Variants in NEXN observed in about 807,000 individuals in gnomAD.
NEXN encodes the protein nexilin F-actin binding protein.
A neutral mutation model predicts 92.6 loss-of-function variants in NEXN; 65 were observed. That is an observed-to-expected ratio of 0.70 (90% CI 0.57 to 0.86). The LOEUF (loss-of-function observed/expected upper bound fraction) is 0.86. Ranked by LOEUF, NEXN falls within the 40% of genes least tolerant of loss-of-function variation. The pLI, the probability that NEXN is intolerant of heterozygous loss-of-function variation, is 0.00. For synonymous variants in NEXN, 254 were observed against 242.5 expected, an observed-to-expected ratio of 1.05 and a Z score of -0.44; for missense variants, 778 against 771.1, an observed-to-expected ratio of 1.01 and a Z score of -0.11.
At chr1:77,927,847 C>T (rs1451508705) in intron 8 of NEXN, among the ~76,000 whole-genome samples, 1 of 150,896 alleles carries the variant, frequency 6.6e-6, no homozygotes, top group Non-Finnish European at 1.5e-5. Flanking sequence ...TTTTTCAATG[C>T]CTATTTCTTA....
chr1:77,926,689 A>C (rs768262172), intron 7 of NEXN, 27 bp from the exon 8 acceptor site: 1 of 1,613,854 alleles, frequency 6.2e-7, no homozygotes, highest in East Asian at 2.2e-5. Flanking sequence ...TATGACTAAA[A>C]GGTGGGTTTT....
At chr1:77,916,466 G>T (rs1272653669) in intron 2 of NEXN, among the ~76,000 whole-genome samples, 1 of 152,076 alleles carries the variant, frequency 6.6e-6, no homozygotes, top group Non-Finnish European at 1.5e-5. Context: ...AACAAAGTTT[G>T]ACCTATACTC....
intron 6 of NEXN, 71 bp downstream of exon 6, chr1:77,925,300 A>G: frequency 1.9e-6 from 2 of 1,044,798 alleles, no homozygotes; most frequent in Non-Finnish European, 2.9e-6. Context: ...TTTTAGTATA[A>G]GAAAAAACTA....
In NEXN at chr1:77,942,184, G is replaced by A. The variant is rs1651391063; in HGVS notation, c.1635G>A (p.Arg545=). The change falls in exon 12 of 13, where the codon AGG becomes AGA. Residue 545 remains arginine (R), a synonymous_variant. Transcript: ENST00000334785. ...TACTACGCATGCAGTTTGAACAAAG[G>A]GAAATTGATGCAGCACTACAAAAGG... ...QKLLRMQFEQ[R]EIDAALQKKR... 2 of 1,613,670 alleles carry A rather than the reference G, an allele frequency of 1.2e-6. No homozygotes were observed. The highest frequency in any genetic ancestry group is 2.7e-5 in the African/African-American group (2 of 74,980).
chr1:77,920,527 A>T (rs1189083314), intron 5 of NEXN, among the ~76,000 whole-genome samples: 1 of 150,628 alleles, frequency 6.6e-6, no homozygotes, highest in Non-Finnish European at 1.5e-5. Flanking sequence ...AGGCTGAGGC[A>T]GGAGGACTGC....
At chr1:77,894,206 C>T (rs1251004740) in intron 1 of NEXN, among the ~76,000 whole-genome samples, 1 of 151,980 alleles carries the variant, frequency 6.6e-6, no homozygotes, top group Non-Finnish European at 1.5e-5. Context: ...ATCCACCTGC[C>T]TCGGCCTCCC....
intron 1 of NEXN, among the ~76,000 whole-genome samples, chr1:77,896,194 A>AAATAAATAAATAAAT (rs1477364321): frequency 6.6e-6 from 1 of 151,794 alleles, no homozygotes; most frequent in Non-Finnish European, 1.5e-5. Flanking sequence ...ATAAATAAAT[A>AAATAAATAAATAAAT]AATAAGTTGT....
intron 11 of NEXN, among the ~76,000 whole-genome samples, chr1:77,940,449 T>C (rs1425139339): frequency 6.6e-6 from 1 of 152,184 alleles, no homozygotes; most frequent in Admixed American, 6.5e-5. Context: ...AAGTTGACAA[T>C]TGTACTTGAC....
intron 1 of NEXN, among the ~76,000 whole-genome samples, chr1:77,904,565 T>C (rs1355365397): frequency 6.6e-6 from 1 of 152,188 alleles, no homozygotes; most frequent in Non-Finnish European, 1.5e-5. Flanking sequence ...TTGGGGGTTA[T>C]TTTAAATTAT....
At chr1:77,917,898 AT>A (rs1553236681) in intron 3 of NEXN, 61 bp from the exon 4 acceptor site, 27 of 1,482,068 alleles carry the variant, frequency 1.8e-5, no homozygotes, top group Non-Finnish European at 2.4e-5. Flanking sequence ...TAAACTCTGC[AT>A]ATAATGTGAT....
At chr1:77,924,570 T>G (rs1250173308) in intron 5 of NEXN, among the ~76,000 whole-genome samples, 1 of 152,250 alleles carries the variant, frequency 6.6e-6, no homozygotes, top group African/African-American at 2.4e-5. Context: ...TAATTGCTGC[T>G]TGTAAGCTCA....
chr1:77,931,550 G>C (rs1213609281), intron 9 of NEXN: 1 of 151,738 alleles, frequency 6.6e-6, no homozygotes. Flanking sequence ...AAAAAATGCA[G>C]GCGAGAAAAC....
Position 77,935,829 on chromosome 1 carries a change from G to A in NEXN, c.1258G>A (p.Glu420Lys). Residue 420 changes from glutamate to lysine, a missense_variant, in exon 11 of 13, where the codon GAA becomes AAA. This residue lies in a region of NEXN where 532 missense variants were observed against 476.7 expected (regional missense o/e 1.12). Coordinates refer to ENST00000334785, the MANE Select transcript of NEXN (RefSeq NM_144573.4). ...QLRQEMGEEEEENETFGLSRE... is the reference protein window; with the variant it reads ...QLRQEMGEEEKENETFGLSRE... Reference sequence around the variant, plus strand: ...TTATTAATTTTTTTTGAAGGAAGAGGAAGAAAATGAAACCTTTGGATTGAG... The same window carrying A: ...TTATTAATTTTTTTTGAAGGAAGAGAAAGAAAATGAAACCTTTGGATTGAG... The A allele has an allele frequency of 3.1e-6, 5 of 1,611,326 alleles. No homozygotes were observed. Among genetic ancestry groups the A allele is most frequent in the African/African-American group, 1.3e-5 (1 of 74,920 alleles).
At chr1:77,915,061 C>T (rs994807666) in intron 1 of NEXN, among the ~76,000 whole-genome samples, 1 of 152,010 alleles carries the variant, frequency 6.6e-6, no homozygotes, top group African/African-American at 2.4e-5. Flanking sequence ...CGGATGCAAT[C>T]CTAGCACTTC....
chr1:77,915,212 C>G (rs1186063722), intron 1 of NEXN, among the ~76,000 whole-genome samples: 2 of 151,982 alleles, frequency 1.3e-5, no homozygotes, highest in Non-Finnish European at 2.9e-5. Flanking sequence ...ACTTGGGAGG[C>G]TGAGGAAGGA....
chr1:77,902,067 A>AT (rs1647760646), intron 1 of NEXN, among the ~76,000 whole-genome samples: 2 of 152,216 alleles, frequency 1.3e-5, no homozygotes, highest in Non-Finnish European at 2.9e-5. Flanking sequence ...TTTATGTAGT[A>AT]GCCTATATAC....
At chr1:77,901,533 TTC>T (rs1647709800) in intron 1 of NEXN, among the ~76,000 whole-genome samples, 1 of 152,182 alleles carries the variant, frequency 6.6e-6, no homozygotes, top group Admixed American at 6.5e-5. Context: ...GGTCACTGTT[TTC>T]TCTCTCATCT....
rs182140806 is a variant in NEXN, at chr1:77,923,060, C to T, written c.448-2128C>T. Among the ~76,000 whole-genome samples the T allele has an allele frequency of 5.8e-3, 798 of 138,568 alleles. 15 individuals carry two copies. Among genetic ancestry groups the T allele is most frequent in the Non-Finnish European group, 5.4e-3 (357 of 65,820 alleles). The allele number at this position is 138,568 out of a possible 152,430, so 90.9% of individuals were successfully genotyped here. ...TCTTGCTCTGTCTCCCAGGCACGCT[C>T]ATGGCTCACTGCAACCTCCACCTCC... On this transcript the variant is annotated intron_variant, in intron 5 of 12. Coordinates refer to ENST00000334785, the MANE Select transcript of NEXN (RefSeq NM_144573.4).
At chr1:77,910,415 T>C (rs1571096273) in intron 1 of NEXN, among the ~76,000 whole-genome samples, 2 of 152,070 alleles carry the variant, frequency 1.3e-5, no homozygotes, top group East Asian at 3.9e-4. Context: ...ATCATCTATG[T>C]ATGTAGAAAA....
Sources: allele counts gnomAD v4.1 joint callset (sites outside exome capture counted in the v4.1 genomes callset), GRCh38; gene constraint gnomAD v4.1.1; regional missense constraint gnomAD v4.1.1; transcripts MANE v1.5; gene names NCBI Gene and HGNC (gene_info 2026-07-23, HGNC 2026-07-21).